Variants in SLC4A4 observed in about 807,000 individuals in gnomAD.
The protein encoded by SLC4A4 is solute carrier family 4 member 4, also known as electrogenic sodium bicarbonate cotransporter 1.
SLC4A4 carries 27 observed loss-of-function variants against 111.5 expected under a neutral mutation model. The ratio of observed to expected loss-of-function variants is 0.24; its 90% confidence interval spans 0.18 to 0.33. SLC4A4 has a LOEUF of 0.33. Ranked by LOEUF, SLC4A4 falls within the 10% of genes least tolerant of loss-of-function variation. The pLI is 1.00. For synonymous variants in SLC4A4, 443 were observed against 463.4 expected, an observed-to-expected ratio of 0.96 and a Z score of 0.57; for missense variants, 909 against 1,315.5, an observed-to-expected ratio of 0.69 and a Z score of 4.78.
chr4:71,215,569 A>G (rs896710), intron 1 of SLC4A4, among the ~76,000 whole-genome samples: 4,456 of 152,294 alleles, frequency 0.029, 225 homozygotes, highest in African/African-American at 0.1. Context: ...GCACTTTCAC[A>G]TTCAGTAAGG....
At chr4:71,364,442 T>TTGG (rs1183939768) in intron 6 of SLC4A4, among the ~76,000 whole-genome samples, 1 of 152,162 alleles carries the variant, frequency 6.6e-6, no homozygotes, top group African/African-American at 2.4e-5. Context: ...ATAGCTTAGA[T>TTGG]TGGGTAATTT....
intron 1 of SLC4A4, among the ~76,000 whole-genome samples, chr4:71,199,618 A>G (rs1202553731): frequency 1.3e-5 from 2 of 152,144 alleles, no homozygotes; most frequent in African/African-American, 2.4e-5. Context: ...ATTCTGCCAC[A>G]TGGGCTTGAA....
intron 2 of SLC4A4, among the ~76,000 whole-genome samples, chr4:71,162,121 T>C (rs980774357): frequency 6.6e-6 from 1 of 152,230 alleles, no homozygotes; most frequent in African/African-American, 2.4e-5. Context: ...AGATAGAATA[T>C]AGACTGAGGC....
At chr4:71,553,428 A>T (rs910636139) in intron 20 of SLC4A4, among the ~76,000 whole-genome samples, 1 of 151,858 alleles carries the variant, frequency 6.6e-6, no homozygotes, top group Non-Finnish European at 1.5e-5. Flanking sequence ...AGGGATGAGG[A>T]TGAGGCCAGG....
At chr4:71,245,744 A>G (rs1348777894) in intron 2 of SLC4A4, among the ~76,000 whole-genome samples, 2 of 152,146 alleles carry the variant, frequency 1.3e-5, no homozygotes, top group African/African-American at 4.8e-5. Flanking sequence ...GCATATAGCT[A>G]GCATTTAAAG....
At chr4:71,119,421 GTT>G (rs1177223440) in intron 2 of SLC4A4, among the ~76,000 whole-genome samples, 1 of 151,822 alleles carries the variant, frequency 6.6e-6, no homozygotes, top group Non-Finnish European at 1.5e-5. Flanking sequence ...TTTCTCTGTT[GTT>G]CAGGCTGGAG....
At chr4:71,313,195 A>AC (rs1419563983) in intron 3 of SLC4A4, among the ~76,000 whole-genome samples, 4 of 152,236 alleles carry the variant, frequency 2.6e-5, no homozygotes, top group African/African-American at 9.6e-5. Context: ...CAAAGAGAAT[A>AC]AAATACCGAG....
At chr4:71,201,049 G>A (rs757106358) in intron 1 of SLC4A4, among the ~76,000 whole-genome samples, 1 of 152,228 alleles carries the variant, frequency 6.6e-6, no homozygotes, top group Non-Finnish European at 1.5e-5. Flanking sequence ...GAGCCAGAGA[G>A]CCCAGGCTTG....
At chr4:71,230,722 A>T (rs1719362625) in intron 1 of SLC4A4, among the ~76,000 whole-genome samples, 1 of 152,152 alleles carries the variant, frequency 6.6e-6, no homozygotes, top group Non-Finnish European at 1.5e-5. Context: ...TATGAACTTG[A>T]TCCATGTGCA....
intron 7 of SLC4A4, among the ~76,000 whole-genome samples, chr4:71,415,520 T>G (rs549251867): frequency 1.3e-5 from 2 of 152,312 alleles, no homozygotes; most frequent in Admixed American, 1.3e-4. Flanking sequence ...GATGATAACT[T>G]TGTAGTCTTC....
chr4:71,290,809 C>T (rs1317508081), intron 3 of SLC4A4, among the ~76,000 whole-genome samples: 1 of 152,158 alleles, frequency 6.6e-6, no homozygotes, highest in African/African-American at 2.4e-5. Context: ...TCACAAGATC[C>T]TAGTGGCTCT....
intron 1 of SLC4A4, among the ~76,000 whole-genome samples, chr4:71,213,833 G>A (rs1466289918): frequency 1.3e-5 from 2 of 152,180 alleles, no homozygotes; most frequent in African/African-American, 2.4e-5. Context: ...GTGGCCTTCT[G>A]CAAGCCAGAA....
chr4:71,244,242 A>G (rs909020760), intron 2 of SLC4A4, among the ~76,000 whole-genome samples: 3 of 152,220 alleles, frequency 2.0e-5, no homozygotes, highest in African/African-American at 7.2e-5. Flanking sequence ...TTTAGAGAAC[A>G]TGGTGGTGGA....
At chr4:71,216,636 G>A (rs914520926) in intron 1 of SLC4A4, among the ~76,000 whole-genome samples, 1 of 152,170 alleles carries the variant, frequency 6.6e-6, no homozygotes, top group Non-Finnish European at 1.5e-5. Context: ...GAACTAATAA[G>A]CTTAGAAAAG....
chr4:71,493,789 A>C (rs1212386295), intron 15 of SLC4A4, among the ~76,000 whole-genome samples: 1 of 124,336 alleles, frequency 8.0e-6, no homozygotes, highest in African/African-American at 3.6e-5. Flanking sequence ...TAAACACCTC[A>C]AAAGTTTTTG....
At position 71,190,415 on chromosome 4, in the gene SLC4A4, C is replaced by G. The variant is rs935140500; in HGVS notation, c.-2+3014C>G. ...ACACACACACACACACACACACACA[C>G]ACACACACACACACAGACACAACTC... On this transcript the variant is annotated intron_variant, in intron 1 of 25. Coordinates refer to ENST00000264485, the MANE Select transcript of SLC4A4 (RefSeq NM_001098484.3). Among the ~76,000 whole-genome samples, 22 of 148,948 alleles carry G rather than the reference C, an allele frequency of 1.5e-4. No individual in the cohort carries two copies. The Middle Eastern group carries it at 0.014, about 93-fold the overall frequency.
intron 7 of SLC4A4, among the ~76,000 whole-genome samples, chr4:71,400,014 A>G (rs1468219844): frequency 6.6e-6 from 1 of 152,152 alleles, no homozygotes; most frequent in African/African-American, 2.4e-5. Flanking sequence ...TATTTCGCAC[A>G]TTTTGTCTCC....
chr4:71,494,233 G>A lies in SLC4A4; in HGVS notation c.1975-3268G>A, dbSNP rs373207080. Among the ~76,000 whole-genome samples, 5 of 152,070 alleles carry A rather than the reference G, an allele frequency of 3.3e-5. No homozygotes were observed. In the East Asian group the frequency reaches 5.8e-4, roughly 18 times the overall value. On this transcript the variant is annotated intron_variant, in intron 15 of 25. Transcript: ENST00000264485. ...AATAAATTGTAATAAAACATTACAC[G>A]CATCGTAAGGAAAACAGATAATGTG...
chr4:71,399,398 G>A (rs528784337), intron 7 of SLC4A4, among the ~76,000 whole-genome samples: 258 of 151,490 alleles, frequency 1.7e-3, no homozygotes, highest in African/African-American at 6.1e-3. Context: ...TAGAAAGTAC[G>A]GGAAGGGTGT....
Sources: allele counts gnomAD v4.1 joint callset (sites outside exome capture counted in the v4.1 genomes callset), GRCh38; gene constraint gnomAD v4.1.1; transcripts MANE v1.5; gene names NCBI Gene and HGNC (gene_info 2026-07-23, HGNC 2026-07-21).